RCOR1: variants seen among roughly 807,000 people sequenced by gnomAD.
RCOR1 encodes REST corepressor 1, also known as REST corepressor.
A neutral mutation model predicts 64.0 loss-of-function variants in RCOR1; 12 were observed. The ratio of observed to expected loss-of-function variants is 0.19; its 90% CI spans 0.12 to 0.30. RCOR1 has a LOEUF of 0.30. Among genes scored for constraint, RCOR1 ranks in the 10% least tolerant of loss-of-function variants. The probability of loss-of-function intolerance (pLI) is 1.00; values close to 1 mark genes in which losing one functional copy is unlikely to be tolerated. For missense variants in RCOR1, 502 were observed against 621.2 expected (o/e 0.81, Z 2.04); for synonymous variants, 279 against 227.2 (o/e 1.23, Z -2.05).
In RCOR1 at chr14:102,729,560, C is replaced by A; in HGVS notation, c.*3054C>A. The A allele has an allele frequency of 3.5e-6, 1 of 288,128 alleles. No homozygotes were observed. The allele number at this position is 288,128 out of a possible 1,614,324, so 17.8% of individuals were successfully genotyped here. ...GTTCTGATGCTCACAAACCTCTATT[C>A]AACACACAAAACAAACATGAAAAGG... On this transcript the variant is annotated 3_prime_UTR_variant, in exon 12 of 12. Transcript: ENST00000262241.
In RCOR1 at chr14:102,681,950, A is replaced by G; in HGVS notation, c.417A>G (p.Ser139=). 3 of 1,613,828 alleles carry G rather than the reference A, an allele frequency of 1.9e-6. No homozygotes were observed. The highest frequency in any genetic ancestry group is 2.5e-6 in the Non-Finnish European group (3 of 1,179,734). The change falls in exon 3 of 12, where the codon TCA becomes TCG. Residue 139 remains serine, a synonymous_variant. Transcript: ENST00000262241. Reference sequence around the variant, plus strand: ...ACAATCTTGGCATGTTGGTCTGGTCACCCAATCAAAATCTGTCAGAAGCAA... The same window carrying G: ...ACAATCTTGGCATGTTGGTCTGGTCGCCCAATCAAAATCTGTCAGAAGCAA... ...ERDNLGMLVW[S]PNQNLSEAKL...
intron 2 of RCOR1, among the ~76,000 whole-genome samples, chr14:102,654,064 C>T (rs1178618202): frequency 2.0e-5 from 3 of 146,720 alleles, no homozygotes; most frequent in African/African-American, 7.6e-5. Flanking sequence ...CCACTCACTG[C>T]AAGCTCTGCC....
intron 11 of RCOR1, among the ~76,000 whole-genome samples, 163 bp from the exon 12 acceptor site, chr14:102,726,305 G>C (rs1392956245): frequency 2.0e-5 from 3 of 150,274 alleles, no homozygotes; most frequent in Non-Finnish European, 4.4e-5. Flanking sequence ...CAGCCTGGGA[G>C]ACAGAGTGAG....
intron 2 of RCOR1, among the ~76,000 whole-genome samples, chr14:102,618,119 G>A (rs140305917): frequency 0.016 from 2,472 of 151,540 alleles, 60 homozygotes; most frequent in African/African-American, 0.057. Context: ...GATTACAGGC[G>A]TGCCCCACCA....
intron 2 of RCOR1, chr14:102,655,245 C>T (rs575133176): frequency 2.0e-6 from 2 of 984,368 alleles, no homozygotes; most frequent in Admixed American, 1.2e-4. Context: ...GCATTCCTGG[C>T]CTTCCATTTT....
At chr14:102,683,367 G>C (rs1895344808) in intron 3 of RCOR1, among the ~76,000 whole-genome samples, 1 of 152,144 alleles carries the variant, frequency 6.6e-6, no homozygotes, top group Non-Finnish European at 1.5e-5. Flanking sequence ...CTTTGAAACG[G>C]ACCCTTGTCC....
rs1893173989 is a variant in RCOR1, at chr14:102,593,337, C to T, written c.361+12C>T. ...CGACTTCGACCCCGGTGAGTAGCGG[C>T]CCCGGCCGGCCGGCGGCGGGGATGA... On this transcript the variant is annotated intron_variant, in intron 2 of 11. Transcript: ENST00000262241. The T allele has an allele frequency of 2.0e-6, 3 of 1,530,440 alleles. No individual in the cohort carries two copies. Among genetic ancestry groups the T allele is most frequent in the African/African-American group, 2.9e-5 (2 of 69,004 alleles). 94.8% of individuals were successfully genotyped at this position (1,530,440 alleles called of 1,614,324 possible). A position where few individuals can be genotyped will look rare whatever the true frequency, so the allele number is the denominator to read the frequency against.
chr14:102,599,324 G>C (rs892956192), intron 2 of RCOR1, among the ~76,000 whole-genome samples: 1 of 152,054 alleles, frequency 6.6e-6, no homozygotes, highest in Non-Finnish European at 1.5e-5. Context: ...AGAGACAAGA[G>C]TTTTGCCACG....
intron 2 of RCOR1, among the ~76,000 whole-genome samples, chr14:102,594,021 A>C (rs1415546361): frequency 2.0e-5 from 3 of 152,194 alleles, no homozygotes; most frequent in African/African-American, 7.2e-5. Flanking sequence ...AGCCTAACAA[A>C]TGCTTTTCAC....
chr14:102,691,735 T>A (rs957984054), intron 3 of RCOR1, among the ~76,000 whole-genome samples: 1 of 152,242 alleles, frequency 6.6e-6, no homozygotes, highest in Non-Finnish European at 1.5e-5. Context: ...AGCCTTCTAT[T>A]AAACAGTAAT....
In RCOR1 at chr14:102,657,550, TTGAC is replaced by T. The variant is rs1287448831; in HGVS notation, c.362-24338_362-24335del. The T allele has an allele frequency of 3.3e-5, 32 of 983,728 alleles. No individual in the cohort carries two copies. In the South Asian group the frequency reaches 8.9e-4, roughly 27 times the overall value. The allele number at this position is 983,728 out of a possible 1,614,324, so 60.9% of individuals were successfully genotyped here. ...CATGTTTACTCTCAAGATCTGATGA[TTGAC>T]TGACTGGGTGCAGTGGATCACACCT... On this transcript the variant is annotated intron_variant, in intron 2 of 11. Coordinates refer to ENST00000262241, the MANE Select transcript of RCOR1 (RefSeq NM_015156.4).
At chr14:102,595,262 G>C (rs1264127522) in intron 2 of RCOR1, among the ~76,000 whole-genome samples, 1 of 152,218 alleles carries the variant, frequency 6.6e-6, no homozygotes, top group Non-Finnish European at 1.5e-5. Flanking sequence ...AACACTTGGG[G>C]AGGCCAAGGC....
intron 2 of RCOR1, among the ~76,000 whole-genome samples, chr14:102,610,777 A>G (rs1181576690): frequency 6.6e-6 from 1 of 151,902 alleles, no homozygotes; most frequent in Non-Finnish European, 1.5e-5. Flanking sequence ...GATGGTCTCA[A>G]TCTCCTGACC....
rs1385088546 is a variant in RCOR1 at position 102,681,876 on chromosome 14, C to G, written c.362-19C>G. 6.3e-7 allele frequency: 1 copy of G among 1,587,654 alleles called. No homozygotes were observed. Among genetic ancestry groups the G allele is most frequent in the African/African-American group, 1.3e-5 (1 of 74,494 alleles). ...TGTGTTAAATTTTAATAAGAATTTTCTTTTTTCTTTCTCCCAAGCCAAACT... is the reference window on the plus strand; with the variant it reads ...TGTGTTAAATTTTAATAAGAATTTTGTTTTTTCTTTCTCCCAAGCCAAACT... On this transcript the variant is annotated intron_variant, in intron 2 of 11. Coordinates refer to ENST00000262241, the MANE Select transcript of RCOR1 (RefSeq NM_015156.4).
chr14:102,599,803 G>GTTTTTTTTTT (rs758594132), intron 2 of RCOR1, among the ~76,000 whole-genome samples: 2 of 93,784 alleles, frequency 2.1e-5, no homozygotes, highest in Non-Finnish European at 4.7e-5. Context: ...GTTTTGTTTT[G>GTTTTTTTTTT]TTTTGTTTTT....
chr14:102,718,376 G>A lies in RCOR1; in HGVS notation c.1054-2631G>A, dbSNP rs147442226. Among the ~76,000 whole-genome samples, 614 of 152,286 alleles carry A rather than the reference G, an allele frequency of 4.0e-3. 4 individuals carry two copies. In the Middle Eastern group the frequency reaches 0.048, roughly 12 times the overall value. On this transcript the variant is annotated intron_variant, in intron 8 of 11. Transcript: ENST00000262241. ...TTAGCTGAATTCTGTGTGCCCGTGC[G>A]TTGCGTACTGCTCTTCCTCCTTCCC...
intron 3 of RCOR1, among the ~76,000 whole-genome samples, chr14:102,688,338 T>C (rs1895464167): frequency 1.3e-5 from 2 of 152,184 alleles, no homozygotes; most frequent in Admixed American, 1.3e-4. Context: ...TTTGCCTGAC[T>C]GTGACAAGTG....
At position 102,661,813 on chromosome 14, in the gene RCOR1, A is replaced by G. The variant is rs144804141; in HGVS notation, c.362-20082A>G. On this transcript the variant is annotated intron_variant, in intron 2 of 11. Coordinates refer to ENST00000262241, the MANE Select transcript of RCOR1 (RefSeq NM_015156.4). The stretch of plus-strand genomic sequence containing the variant: ...GCTCTGTTGCCCAGGCTCTATTGCA[A>G]TGGCACGATCATGGCTCACTGCAGC... 1.4e-3 allele frequency among the ~76,000 whole-genome samples: 214 copies of G among 152,280 alleles called. 1 individual carries two copies. The highest frequency in any genetic ancestry group is 2.1e-3 in the Non-Finnish European group (144 of 68,002).
chr14:102,615,128 G>GCCCCCC (rs11382616), intron 2 of RCOR1, among the ~76,000 whole-genome samples: 3 of 132,492 alleles, frequency 2.3e-5, no homozygotes, highest in Non-Finnish European at 4.7e-5. Flanking sequence ...ATAGTGCCCG[G>GCCCCCC]CCCCCCCGCC....
Sources: allele counts gnomAD v4.1 joint callset (sites outside exome capture counted in the v4.1 genomes callset), GRCh38; gene constraint gnomAD v4.1.1; transcripts MANE v1.5; gene names NCBI Gene and HGNC (gene_info 2026-07-23, HGNC 2026-07-21).